The following ARHGAP42 variants were observed in gnomAD, a reference collection of about 807,000 sequenced individuals.
ARHGAP42 encodes the protein Rho GTPase activating protein 42.
A neutral mutation model predicts 125.0 loss-of-function variants in ARHGAP42; 63 were observed. The observed-to-expected ratio is 0.50, with a 90% CI of 0.41 to 0.62. ARHGAP42 has a LOEUF of 0.62. Ranked by LOEUF, ARHGAP42 falls within the 20% of genes least tolerant of loss-of-function variation. ARHGAP42 has a pLI of 0.00. For missense variants in ARHGAP42, 766 were observed against 1,024.2 expected (o/e 0.75, Z 3.44); for synonymous variants, 339 against 351.0 (o/e 0.97, Z 0.38).
At chr11:100,777,020 T>G (rs959007839) in intron 2 of ARHGAP42, among the ~76,000 whole-genome samples, 1 of 151,520 alleles carries the variant, frequency 6.6e-6, no homozygotes, top group Non-Finnish European at 1.5e-5. Flanking sequence ...GCATGTCGCA[T>G]TTTAAAAAAG....
chr11:100,921,388 G>A (rs1406891779), intron 5 of ARHGAP42, 106 bp from the exon 6 acceptor site: 1 of 820,474 alleles, frequency 1.2e-6, no homozygotes, highest in Non-Finnish European at 1.9e-6. Flanking sequence ...TAAGTGCTGT[G>A]TTAAACTTTT....
At chr11:100,906,862 G>A (rs1206585831) in intron 4 of ARHGAP42, among the ~76,000 whole-genome samples, 1 of 152,142 alleles carries the variant, frequency 6.6e-6, no homozygotes, top group Non-Finnish European at 1.5e-5. Context: ...ATTCCGTGTA[G>A]CACTCCATAG....
intron 12 of ARHGAP42, among the ~76,000 whole-genome samples, chr11:100,954,238 T>G (rs1047323787): frequency 6.6e-6 from 1 of 152,130 alleles, no homozygotes; most frequent in African/African-American, 2.4e-5. Flanking sequence ...GAAAAGGCAC[T>G]TAGATCTCAT....
intron 4 of ARHGAP42, among the ~76,000 whole-genome samples, chr11:100,890,960 A>T (rs1866202640): frequency 6.6e-6 from 1 of 152,260 alleles, no homozygotes; most frequent in South Asian, 2.1e-4. Flanking sequence ...GTTCTCTCCA[A>T]GGGGGCTGTT....
In ARHGAP42 at chr11:100,863,826, C is replaced by G. The variant is rs1591248569; in HGVS notation, c.384+4201C>G. Among the ~76,000 whole-genome samples the G allele has an allele frequency of 2.0e-5, 3 of 152,300 alleles. No individual in the cohort carries two copies. The East Asian group carries it at 5.8e-4, about 29-fold the overall frequency. ...ACTGAATGTTTGGTTTCTCCTGACA[C>G]ACTGCTGGTTTAAATTCTAGAATAC... On this transcript the variant is annotated intron_variant, in intron 4 of 23. Coordinates refer to ENST00000298815, the MANE Select transcript of ARHGAP42 (RefSeq NM_152432.4).
intron 1 of ARHGAP42, among the ~76,000 whole-genome samples, chr11:100,747,902 T>G (rs1478246370): frequency 1.3e-5 from 2 of 152,170 alleles, no homozygotes; most frequent in Non-Finnish European, 2.9e-5. Context: ...AAACATCCCT[T>G]TCTCTAAACA....
At chr11:100,940,620 A>C (rs1335935988) in intron 8 of ARHGAP42, among the ~76,000 whole-genome samples, 3 of 152,232 alleles carry the variant, frequency 2.0e-5, no homozygotes, top group Admixed American at 1.3e-4. Flanking sequence ...AACATTACAC[A>C]TACAAGTTTC....
intron 3 of ARHGAP42, among the ~76,000 whole-genome samples, chr11:100,804,868 G>A (rs190633207): frequency 2.0e-5 from 3 of 152,184 alleles, no homozygotes; most frequent in Non-Finnish European, 4.4e-5. Context: ...TTGAGCTTTC[G>A]TGTGAGCCTC....
At chr11:100,735,978 T>A (rs1372797963) in intron 1 of ARHGAP42, among the ~76,000 whole-genome samples, 1 of 152,148 alleles carries the variant, frequency 6.6e-6, no homozygotes, top group Non-Finnish European at 1.5e-5. Flanking sequence ...ACCTAGGTAA[T>A]GTAGTCATAT....
At chr11:100,978,012 G>C (rs551255340) in intron 21 of ARHGAP42, among the ~76,000 whole-genome samples, 64 of 152,188 alleles carry the variant, frequency 4.2e-4, no homozygotes, top group Non-Finnish European at 7.5e-4. Context: ...ATCTCTTTTG[G>C]TTAGAAATCC....
At chr11:100,826,974 G>T (rs1269037958) in intron 3 of ARHGAP42, among the ~76,000 whole-genome samples, 2 of 149,974 alleles carry the variant, frequency 1.3e-5, no homozygotes, top group Non-Finnish European at 3.0e-5. Flanking sequence ...AGGGTTTTTT[G>T]GGTGAATTTT....
At chr11:100,909,533 AG>A (rs1866852237) in intron 4 of ARHGAP42, among the ~76,000 whole-genome samples, 1 of 151,974 alleles carries the variant, frequency 6.6e-6, no homozygotes, top group Non-Finnish European at 1.5e-5. Flanking sequence ...TATTAAAGGC[AG>A]GGTTTCATCA....
chr11:100,860,653 A>G (rs1865424470), intron 4 of ARHGAP42, among the ~76,000 whole-genome samples: 1 of 152,068 alleles, frequency 6.6e-6, no homozygotes, highest in African/African-American at 2.4e-5. Context: ...GCCAGACTTC[A>G]TATCCCAGCA....
intron 3 of ARHGAP42, among the ~76,000 whole-genome samples, chr11:100,806,596 T>TAA (rs113504745): frequency 0.28 from 42,171 of 150,982 alleles, 6,305 homozygotes; most frequent in African/African-American, 0.41. Flanking sequence ...CACCTGAAAT[T>TAA]AAAAAAAATA....
At chr11:100,711,758 T>C (rs1194390010) in intron 1 of ARHGAP42, among the ~76,000 whole-genome samples, 1 of 152,178 alleles carries the variant, frequency 6.6e-6, no homozygotes, top group African/African-American at 2.4e-5. Flanking sequence ...AGGAAGCCAA[T>C]AGGTAACTGG....
In ARHGAP42 at chr11:100,725,854, G is replaced by A. The variant is rs1393710699; in HGVS notation, c.154+38022G>A. Among the ~76,000 whole-genome samples, 11 of 148,352 alleles carry A rather than the reference G, an allele frequency of 7.4e-5. No individual in the cohort carries two copies. The East Asian group carries it at 2.2e-3, about 30-fold the overall frequency. On this transcript the variant is annotated intron_variant, in intron 1 of 23. Transcript: ENST00000298815. ...GGAGGCTGTGGCAGGAGAATGGCGC[G>A]AACCCGGGAGGCGGAGCTTGCAATG...
At chr11:100,750,057 G>C (rs1457177806) in intron 1 of ARHGAP42, among the ~76,000 whole-genome samples, 1 of 152,168 alleles carries the variant, frequency 6.6e-6, no homozygotes, top group African/African-American at 2.4e-5. Flanking sequence ...CAAGGGGGTG[G>C]GATGCCCCTT....
chr11:100,835,274 A>G (rs2135100906), intron 3 of ARHGAP42, among the ~76,000 whole-genome samples: 1 of 152,280 alleles, frequency 6.6e-6, no homozygotes, highest in East Asian at 1.9e-4. Context: ...AAAGGAATTT[A>G]AATGATTTTC....
At chr11:100,955,144 G>T (rs1857770344) in intron 12 of ARHGAP42, among the ~76,000 whole-genome samples, 1 of 151,980 alleles carries the variant, frequency 6.6e-6, no homozygotes, top group Non-Finnish European at 1.5e-5. Context: ...GAATTCTGTT[G>T]AGATTAATAG....
Sources: gnomAD v4.1 joint callset for allele counts (sites outside exome capture counted in the v4.1 genomes callset) on GRCh38, gnomAD v4.1.1 for gene constraint, MANE v1.5 for transcripts, NCBI Gene and HGNC (gene_info 2026-07-23, HGNC 2026-07-21) for gene names.